Variants in RAB20 observed in about 807,000 individuals in gnomAD.
RAB20 encodes RAB20, member RAS oncogene family.
RAB20 carries 2 observed loss-of-function variants against 3.7 expected under a neutral mutation model. The observed-to-expected ratio is 0.54, with a 90% confidence interval of 0.22 to 1.69. The LOEUF (loss-of-function observed/expected upper bound fraction) is 1.69. RAB20 is among the 40% of genes most tolerant of loss of function. RAB20 has a pLI of 0.19. For missense variants in RAB20, 276 were observed against 311.9 expected (o/e 0.88, Z 0.87); for synonymous variants, 126 against 130.8 (o/e 0.96, Z 0.25).
chr13:110,538,238 C>CAA (rs570075617), intron 1 of RAB20, among the ~76,000 whole-genome samples: 1,151 of 78,486 alleles, frequency 0.015, 11 homozygotes, highest in Middle Eastern at 0.029. Flanking sequence ...GACCTTGTCT[C>CAA]AAAAAAAAAA....
intron 1 of RAB20, among the ~76,000 whole-genome samples, chr13:110,534,144 T>A (rs1398700325): frequency 6.6e-6 from 1 of 152,198 alleles, no homozygotes; most frequent in Non-Finnish European, 1.5e-5. Flanking sequence ...AAGCAGACAG[T>A]GCTCTGTGAT....
In RAB20 at chr13:110,544,646, C is replaced by T. The variant is rs555076234; in HGVS notation, c.172+16702G>A. Among the ~76,000 whole-genome samples the T allele has an allele frequency of 1.1e-4, 17 of 152,310 alleles. No individual in the cohort carries two copies. The South Asian group carries it at 2.7e-3, about 24-fold the overall frequency. On this transcript the variant is annotated intron_variant, in intron 1 of 1. Transcript: ENST00000267328. ...ACTCAAAGAAGTCAAGGCACAGAGA[C>T]GTGTGGCGCAGACAGACGGGAATAC...
At chr13:110,536,880 T>G (rs950683581) in intron 1 of RAB20, among the ~76,000 whole-genome samples, 7 of 151,348 alleles carry the variant, frequency 4.6e-5, no homozygotes, top group African/African-American at 1.7e-4. Context: ...GCTGCACCCA[T>G]TAACTCATCA....
At chr13:110,532,285 G>A (rs1338587372) in intron 1 of RAB20, among the ~76,000 whole-genome samples, 2 of 152,234 alleles carry the variant, frequency 1.3e-5, no homozygotes. Flanking sequence ...CTATTGAAAT[G>A]TAAGAATTAG....
chr13:110,536,661 T>C (rs531239776), intron 1 of RAB20, among the ~76,000 whole-genome samples: 1 of 118,122 alleles, frequency 8.5e-6, no homozygotes, highest in East Asian at 2.9e-4. Flanking sequence ...GCTCGCTTCC[T>C]GAAACAAGTC....
intron 1 of RAB20, among the ~76,000 whole-genome samples, chr13:110,546,426 T>C (rs1884850046): frequency 6.6e-6 from 1 of 152,184 alleles, no homozygotes; most frequent in African/African-American, 2.4e-5. Flanking sequence ...AATTCACCTA[T>C]TTGGGCAACA....
intron 1 of RAB20, among the ~76,000 whole-genome samples, chr13:110,550,433 G>A (rs1487958872): frequency 6.6e-6 from 1 of 152,218 alleles, no homozygotes; most frequent in Non-Finnish European, 1.5e-5. Flanking sequence ...CCAGATGCCT[G>A]GAATTGCAAC....
Position 110,523,292 on chromosome 13 carries a change from G to T in RAB20, c.*373C>A. On this transcript the variant is annotated 3_prime_UTR_variant, in exon 2 of 2. Transcript: ENST00000267328. ...TTGTAGGACGTGGTAACAACCCAGGGTGCTGAAACGGTCAGAGGTGCAGGT... is the reference window on the plus strand; with the variant it reads ...TTGTAGGACGTGGTAACAACCCAGGTTGCTGAAACGGTCAGAGGTGCAGGT... 1 of 454,584 alleles carries T rather than the reference G, an allele frequency of 2.2e-6. No individual in the cohort carries two copies. The highest frequency in any genetic ancestry group is 3.9e-6 in the Non-Finnish European group (1 of 259,606). The allele number at this position is 454,584 out of a possible 1,614,324, so 28.2% of individuals were successfully genotyped here.
chr13:110,542,949 C>G (rs950928496), intron 1 of RAB20, among the ~76,000 whole-genome samples: 9 of 152,174 alleles, frequency 5.9e-5, no homozygotes, highest in African/African-American at 2.2e-4. Context: ...ACATCCTCAC[C>G]AGCACTTACC....
At chr13:110,538,322 T>C (rs188004724) in intron 1 of RAB20, among the ~76,000 whole-genome samples, 25 of 140,186 alleles carry the variant, frequency 1.8e-4, no homozygotes, top group Admixed American at 4.9e-4. Context: ...CTAAAAGAAA[T>C]AGGCCAGGCA....
In RAB20 at chr13:110,558,380, C is replaced by CT. The variant is rs34187531; in HGVS notation, c.172+2967dup. On this transcript the variant is annotated intron_variant, in intron 1 of 1. Coordinates refer to ENST00000267328, the MANE Select transcript of RAB20 (RefSeq NM_017817.3). ...CCACTTAACTTCTGCTGTCTTCCCA[C>CT]TTTTTTTTTTTTTTTTTTTTGAGAC... Among the ~76,000 whole-genome samples the CT allele has an allele frequency of 7.6e-3, 904 of 119,350 alleles. 37 individuals are homozygous for CT. Among genetic ancestry groups the CT allele is most frequent in the South Asian group, 0.037 (140 of 3,828 alleles). 78.3% of individuals were successfully genotyped at this position (119,350 alleles called of 152,430 possible).
Position 110,523,438 on chromosome 13 carries a change from GCAGAGGATTC to G in RAB20, c.*217_*226del, listed in dbSNP as rs1884367334. ...GTCTCGACTCTGCAGATTGGGCTTT[GCAGAGGATTC>G]CTGTTTCCCACCTCCCCACCCCTCT... On this transcript the variant is annotated 3_prime_UTR_variant, in exon 2 of 2. Transcript: ENST00000267328. The G allele has an allele frequency of 4.6e-6, 4 of 874,904 alleles. No homozygotes were observed. Among genetic ancestry groups the G allele is most frequent in the Admixed American group, 3.0e-5 (1 of 33,638 alleles). 54.2% of individuals were successfully genotyped at this position (874,904 alleles called of 1,614,324 possible). A position where few individuals can be genotyped will look rare whatever the true frequency, so the allele number is the denominator to read the frequency against.
chr13:110,536,297 G>A (rs1057267915), intron 1 of RAB20, among the ~76,000 whole-genome samples: 4 of 152,180 alleles, frequency 2.6e-5, no homozygotes, highest in African/African-American at 9.6e-5. Context: ...ATGAGCTTCT[G>A]CTGTTTGAAG....
intron 1 of RAB20, among the ~76,000 whole-genome samples, chr13:110,556,723 C>A (rs1020516735): frequency 6.6e-6 from 1 of 151,868 alleles, no homozygotes; most frequent in Non-Finnish European, 1.5e-5. Flanking sequence ...TTGTAGAAAC[C>A]GTCTCCCTGT....
At chr13:110,552,419 C>T (rs1284429493) in intron 1 of RAB20, among the ~76,000 whole-genome samples, 1 of 149,172 alleles carries the variant, frequency 6.7e-6, no homozygotes. Context: ...TAGGGCCAGG[C>T]GCAGTGGCTC....
chr13:110,532,045 A>C (rs2139576492), intron 1 of RAB20, among the ~76,000 whole-genome samples: 1 of 152,138 alleles, frequency 6.6e-6, no homozygotes. Flanking sequence ...ATTGGTTTAA[A>C]TAAGAGTGGG....
At position 110,555,140 on chromosome 13, in the gene RAB20, C is replaced by T. The variant is rs114839902; in HGVS notation, c.172+6208G>A. On this transcript the variant is annotated intron_variant, in intron 1 of 1. Coordinates refer to ENST00000267328, the MANE Select transcript of RAB20 (RefSeq NM_017817.3). This position sits in a 1 kb window ranked among gnomAD's most constrained non-coding sequence, Gnocchi z 4.0. ...TATGGAGCCTGCACAGAGCCTGGCA[C>T]GTGGCAGGGACCCACATACAGTGGC... 1.3e-4 allele frequency among the ~76,000 whole-genome samples: 20 copies of T among 152,308 alleles called. No individual in the cohort carries two copies. Among genetic ancestry groups the T allele is most frequent in the African/African-American group, 4.1e-4 (17 of 41,568 alleles).
At chr13:110,546,207 G>C (rs556745377) in intron 1 of RAB20, among the ~76,000 whole-genome samples, 1 of 152,314 alleles carries the variant, frequency 6.6e-6, no homozygotes, top group South Asian at 2.1e-4. Flanking sequence ...CGAGAACCAT[G>C]CTGGGCTCCC....
At chr13:110,538,195 T>C (rs1324638007) in intron 1 of RAB20, among the ~76,000 whole-genome samples, 1 of 138,584 alleles carries the variant, frequency 7.2e-6, no homozygotes, top group Non-Finnish European at 1.5e-5. Context: ...GCCGTGGTTG[T>C]GCCACTGCAC....
Sources: allele counts gnomAD v4.1 joint callset (sites outside exome capture counted in the v4.1 genomes callset), GRCh38; gene constraint gnomAD v4.1.1; non-coding constraint Gnocchi (gnomAD v3.1); transcripts MANE v1.5; gene names NCBI Gene and HGNC (gene_info 2026-07-23, HGNC 2026-07-21).